Variants in MTNAP1 observed in about 807,000 individuals in gnomAD.
MTNAP1 encodes mitochondrial nucleoid-associated protein 1.
the MTNAP1 span, among the ~76,000 whole-genome samples, chr17:73,239,167 C>G: frequency 6.6e-6 from 1 of 152,012 alleles, no homozygotes. Context: ...AACTCGTGAC[C>G]TCAGGTGATC....
chr17:73,235,505 T>C, the MTNAP1 span: 8 of 1,612,290 alleles, frequency 5.0e-6, no homozygotes, highest in African/African-American at 2.7e-5. Flanking sequence ...CCACCCAGAA[T>C]GGAAGTGTGT....
chr17:73,236,946 G>A, the MTNAP1 span: 1 of 1,608,194 alleles, frequency 6.2e-7, no homozygotes, highest in East Asian at 2.2e-5. Flanking sequence ...GGAATGCAAT[G>A]ACCCAGAAGC....
the MTNAP1 span, among the ~76,000 whole-genome samples, chr17:73,240,670 C>T: frequency 6.6e-6 from 1 of 152,230 alleles, no homozygotes; most frequent in Admixed American, 6.5e-5. Flanking sequence ...GAAGCCAACT[C>T]ATTCCTTTGG....
chr17:73,242,968 T>C, the MTNAP1 span: 1 of 1,614,012 alleles, frequency 6.2e-7, no homozygotes, highest in South Asian at 1.1e-5. Flanking sequence ...ACAGGATACT[T>C]CGTCCTGTGT....
At chr17:73,243,094 T>TTTGGTTTTTTTTTGG in the MTNAP1 span, 4 of 954,936 alleles carry the variant, frequency 4.2e-6, no homozygotes, top group African/African-American at 6.7e-5. Context: ...TTTTTTTTTT[T>TTTGGTTTTTTTTTGG]TTTTTTTACA....
the MTNAP1 span, chr17:73,236,680 G>A: frequency 1.2e-6 from 2 of 1,614,180 alleles, no homozygotes; most frequent in South Asian, 1.1e-5. Context: ...TGTCCCTGAT[G>A]TAAAGGCATT....
At chr17:73,241,454 G>T in the MTNAP1 span, among the ~76,000 whole-genome samples, 1 of 151,942 alleles carries the variant, frequency 6.6e-6, no homozygotes, top group African/African-American at 2.4e-5. Context: ...CACCGCGCCC[G>T]GCCTGCATAA....
chr17:73,235,623 T>C, the MTNAP1 span: 1,486 of 1,614,114 alleles, frequency 9.2e-4, 11 homozygotes, highest in African/African-American at 0.015. Flanking sequence ...CCAAGCCAGC[T>C]ACACTCCCAC....
the MTNAP1 span, chr17:73,242,418 G>A: frequency 8.9e-7 from 1 of 1,118,728 alleles, no homozygotes; most frequent in South Asian, 1.5e-5. Context: ...TTTCTCTTCG[G>A]GCTGTTAAGC....
the MTNAP1 span, among the ~76,000 whole-genome samples, chr17:73,243,662 G>A: frequency 2.0e-5 from 3 of 151,616 alleles, no homozygotes; most frequent in African/African-American, 7.3e-5. Flanking sequence ...CTGAGTAGCT[G>A]GGACTACAGG....
At chr17:73,244,126 A>C in the MTNAP1 span, among the ~76,000 whole-genome samples, 1 of 152,208 alleles carries the variant, frequency 6.6e-6, no homozygotes, top group African/African-American at 2.4e-5. Context: ...CCTTAATTTC[A>C]TTTATCTTAA....
At chr17:73,243,147 T>G in the MTNAP1 span, 1 of 714,450 alleles carries the variant, frequency 1.4e-6, no homozygotes, top group East Asian at 2.7e-5. Flanking sequence ...AGCTATTGCC[T>G]GGGGTTTCTG....
At chr17:73,245,135 C>T in the MTNAP1 span, 12 of 1,610,700 alleles carry the variant, frequency 7.5e-6, no homozygotes, top group Admixed American at 3.3e-5. Flanking sequence ...AGTGGCCTCT[C>T]GGATCCTTAC....
the MTNAP1 span, chr17:73,237,132 T>C: frequency 4.2e-6 from 4 of 952,140 alleles, no homozygotes; most frequent in Non-Finnish European, 6.0e-6. Context: ...AGACTGCATA[T>C]AAAGTTGTCC....
chr17:73,245,183 G>C, the MTNAP1 span: 3 of 1,573,210 alleles, frequency 1.9e-6, no homozygotes, highest in Non-Finnish European at 2.6e-6. Flanking sequence ...CAGCGGTGGC[G>C]TAAGTAGTGT....
At chr17:73,245,124 A>C in the MTNAP1 span, 1 of 1,587,236 alleles carries the variant, frequency 6.3e-7, no homozygotes, top group Non-Finnish European at 8.6e-7. Flanking sequence ...CAGTCATTGG[A>C]AGTGGCCTCT....
the MTNAP1 span, among the ~76,000 whole-genome samples, chr17:73,239,523 T>TTTG: frequency 7.4e-5 from 11 of 147,854 alleles, no homozygotes; most frequent in Non-Finnish European, 1.5e-4. Context: ...CAGACATCTT[T>TTTG]TTTTTTTTTT....
the MTNAP1 span, among the ~76,000 whole-genome samples, chr17:73,238,319 A>C: frequency 1.2e-4 from 18 of 151,950 alleles, no homozygotes; most frequent in East Asian, 3.5e-3. Flanking sequence ...TGTAGTGGCC[A>C]TTGGTGCTTT....
the MTNAP1 span, chr17:73,247,093 A>T: frequency 1.5e-6 from 1 of 673,410 alleles, no homozygotes; most frequent in South Asian, 1.9e-5. Flanking sequence ...TTGTTTTTGT[A>T]TGTAGTCAAA....
Sources: gnomAD v4.1 joint callset for allele counts (sites outside exome capture counted in the v4.1 genomes callset) on GRCh38, gnomAD v4.1.1 for gene constraint, MANE v1.5 for transcripts, NCBI Gene and HGNC (gene_info 2026-07-23, HGNC 2026-07-21) for gene names.